Variants in OR51B5 observed in about 807,000 individuals in gnomAD.
OR51B5 encodes olfactory receptor family 51 subfamily B member 5.
For synonymous variants in OR51B5, 186 were observed against 144.8 expected, an observed-to-expected ratio of 1.28 and a Z score of -2.04; for missense variants, 456 against 374.6, an observed-to-expected ratio of 1.22 and a Z score of -1.79.
At chr11:5,467,319 G>C (rs749758485) in intron 1 of OR51B5, among the ~76,000 whole-genome samples, 1 of 152,102 alleles carries the variant, frequency 6.6e-6, no homozygotes, top group South Asian at 2.1e-4. Context: ...GGGGGTGTTT[G>C]GGAGAAATTC....
chr11:5,486,232 C>T (rs1851497281), intron 1 of OR51B5, among the ~76,000 whole-genome samples: 1 of 147,428 alleles, frequency 6.8e-6, no homozygotes, highest in Non-Finnish European at 1.5e-5. Context: ...ACTCCCACTA[C>T]CTCTTTTTCT....
upstream of OR51B5, among the ~76,000 whole-genome samples, chr11:5,344,649 C>T (rs1376841389): frequency 2.0e-5 from 3 of 152,158 alleles, no homozygotes; most frequent in African/African-American, 7.2e-5. Flanking sequence ...CAACACCTTG[C>T]AAAGTATCTA....
At chr11:5,351,481 A>T in intron 1 of OR51B5, 1 of 1,567,694 alleles carries the variant, frequency 6.4e-7, no homozygotes, top group Non-Finnish European at 8.7e-7. Flanking sequence ...ACCTGGAGTA[A>T]ATATTTGCCT....
intron 1 of OR51B5, among the ~76,000 whole-genome samples, chr11:5,376,873 A>C (rs9704398): frequency 0.36 from 48,963 of 137,554 alleles, 9,288 homozygotes; most frequent in Non-Finnish European, 0.38. Flanking sequence ...CCAAATTCTA[A>C]CAGAGGTACA....
At chr11:5,388,776 T>C (rs1849743054) in intron 1 of OR51B5, among the ~76,000 whole-genome samples, 2 of 152,068 alleles carry the variant, frequency 1.3e-5, no homozygotes, top group South Asian at 2.1e-4. Context: ...GTCACTGGAA[T>C]AGTCCTGAAA....
intron 1 of OR51B5, among the ~76,000 whole-genome samples, chr11:5,501,568 C>A (rs1237351571): frequency 6.8e-6 from 1 of 147,678 alleles, no homozygotes; most frequent in East Asian, 2.0e-4. Flanking sequence ...ACTGGCTTCT[C>A]TTCTCCTTCT....
At chr11:5,477,621 G>T (rs561274908) in intron 1 of OR51B5, among the ~76,000 whole-genome samples, 1 of 152,298 alleles carries the variant, frequency 6.6e-6, no homozygotes, top group Admixed American at 6.5e-5. Context: ...TCACTAGGGA[G>T]TGCCAGACAG....
intron 1 of OR51B5, chr11:5,489,678 TTGG>T: frequency 1.9e-6 from 3 of 1,570,190 alleles, no homozygotes; most frequent in Admixed American, 1.7e-5. Flanking sequence ...TGAGCAGAAG[TTGG>T]AGATTTAAAA....
At chr11:5,401,998 TC>T (rs1849977884) in intron 1 of OR51B5, among the ~76,000 whole-genome samples, 2 of 151,290 alleles carry the variant, frequency 1.3e-5, no homozygotes, top group Admixed American at 6.6e-5. Flanking sequence ...CGCTTGCTGT[TC>T]TCTTTTTCTT....
chr11:5,461,112 G>A (rs1284299616), intron 1 of OR51B5, among the ~76,000 whole-genome samples: 1 of 152,178 alleles, frequency 6.6e-6, no homozygotes, highest in Admixed American at 6.5e-5. Context: ...GCGTGTGAGG[G>A]TGCACAAGCG....
chr11:5,490,750 C>T (rs1178332722), intron 1 of OR51B5, among the ~76,000 whole-genome samples: 1 of 152,162 alleles, frequency 6.6e-6, no homozygotes. Flanking sequence ...ATTATGAGAT[C>T]TGTGTGCAGA....
chr11:5,437,075 A>T (rs749403232), intron 1 of OR51B5, among the ~76,000 whole-genome samples: 17 of 152,126 alleles, frequency 1.1e-4, no homozygotes, highest in Non-Finnish European at 2.2e-4. Context: ...TTACCTTGGG[A>T]ATAAAAAGAT....
chr11:5,402,569 C>G, intron 1 of OR51B5: 1 of 452,600 alleles, frequency 2.2e-6, no homozygotes, highest in Non-Finnish European at 4.6e-6. Flanking sequence ...TTCAAGGTGG[C>G]ACTGATCCCT....
chr11:5,378,116 T>C (rs749719880), intron 1 of OR51B5, among the ~76,000 whole-genome samples: 8 of 151,712 alleles, frequency 5.3e-5, no homozygotes, highest in Non-Finnish European at 8.8e-5. Context: ...AACACAGATA[T>C]AGATCAATGG....
chr11:5,488,111 G>A (rs1851522693), intron 1 of OR51B5, among the ~76,000 whole-genome samples: 1 of 152,110 alleles, frequency 6.6e-6, no homozygotes. Context: ...TTGTCAAAAT[G>A]TCTAGGTACA....
At position 5,342,715 on chromosome 11, in the gene OR51B5, A is replaced by C. The variant is rs776187264; in HGVS notation, c.810T>G (p.Val270=). Residue 270 remains valine, a synonymous_variant, in exon 1 of 1, where the codon GTT becomes GTG. Coordinates refer to ENST00000300773, the Ensembl canonical transcript of OR51B5. ...AATAGGCATAGCTCATAATGAGGTG[A>C]ACAATATGTGGAACCTGCTTTCCAA... 6.2e-6 allele frequency: 10 copies of C among 1,613,656 alleles called. No individual in the cohort carries two copies. In the African/African-American group the frequency reaches 1.1e-4, roughly 17 times the overall value.
chr11:5,374,917 T>C (rs1226782270), intron 1 of OR51B5, among the ~76,000 whole-genome samples: 1 of 151,826 alleles, frequency 6.6e-6, no homozygotes, highest in Non-Finnish European at 1.5e-5. Context: ...CTGCAGGATA[T>C]TATCCAGGAG....
intron 1 of OR51B5, among the ~76,000 whole-genome samples, chr11:5,364,356 A>C (rs1476533664): frequency 6.6e-6 from 1 of 152,182 alleles, no homozygotes; most frequent in Non-Finnish European, 1.5e-5. Context: ...CCAAATGCAG[A>C]AACAGGAGGT....
intron 1 of OR51B5, chr11:5,403,255 A>G (rs1021302804): frequency 8.5e-6 from 4 of 471,400 alleles, no homozygotes; most frequent in East Asian, 6.9e-5. Flanking sequence ...GTGATCTCCT[A>G]TGGGCTCATA....
Sources: gnomAD v4.1 joint callset for allele counts (sites outside exome capture counted in the v4.1 genomes callset) on GRCh38, gnomAD v4.1.1 for gene constraint, MANE v1.5 for transcripts, NCBI Gene and HGNC (gene_info 2026-07-23, HGNC 2026-07-21) for gene names.